The following CEP85L variants were observed in gnomAD, a reference collection of about 807,000 sequenced individuals.
The protein encoded by CEP85L is centrosomal protein 85L, also known as centrosomal protein of 85 kDa-like.
CEP85L carries 60 observed loss-of-function variants against 100.3 expected under a neutral mutation model. That is an observed-to-expected ratio of 0.60 (90% CI 0.49 to 0.74). The LOEUF is 0.74. Ranked by LOEUF, CEP85L falls within the 30% of genes least tolerant of loss-of-function variation. The probability of loss-of-function intolerance (pLI) is 0.00; values close to 1 mark genes in which losing one functional copy is unlikely to be tolerated. For missense variants in CEP85L, 973 were observed against 936.2 expected, an observed-to-expected ratio of 1.04 and a Z score of -0.51; for synonymous variants, 319 against 322.7, an observed-to-expected ratio of 0.99 and a Z score of 0.12.
At chr6:118,574,804 C>A (rs10155773) in intron 2 of CEP85L, among the ~76,000 whole-genome samples, 1 of 152,168 alleles carries the variant, frequency 6.6e-6, no homozygotes, top group Admixed American at 6.5e-5. Flanking sequence ...ATGAGACATA[C>A]AATTAAGTGC....
chr6:118,522,742 G>A (rs1274626210), intron 4 of CEP85L, among the ~76,000 whole-genome samples: 1 of 152,046 alleles, frequency 6.6e-6, no homozygotes, highest in East Asian at 1.9e-4. Flanking sequence ...AGCCAGGTAT[G>A]GTGGTGCACA....
In CEP85L at chr6:118,523,969, A is replaced by G. The variant is rs201664575; in HGVS notation, c.1021-49T>C. The G allele has an allele frequency of 8.4e-4, 575 of 687,836 alleles. 4 individuals are homozygous for G. The highest frequency in any genetic ancestry group is 6.1e-4 in the Non-Finnish European group (268 of 438,782). 42.6% of individuals were successfully genotyped at this position (687,836 alleles called of 1,614,324 possible). A position where few individuals can be genotyped will look rare whatever the true frequency, so the allele number is the denominator to read the frequency against. The stretch of plus-strand genomic sequence containing the variant: ...TAGTATACTAAAATATTTAAAGAAA[A>G]TATTTATATATTATCATATTTTCCC... On this transcript the variant is annotated intron_variant, in intron 3 of 12. Coordinates refer to ENST00000368491, the MANE Select transcript of CEP85L (RefSeq NM_001042475.3).
At chr6:118,498,761 CAATT>C (rs1775090262) in intron 5 of CEP85L, among the ~76,000 whole-genome samples, 1 of 152,160 alleles carries the variant, frequency 6.6e-6, no homozygotes, top group East Asian at 1.9e-4. Flanking sequence ...CCCCATCAAT[CAATT>C]AACTGTAACT....
At chr6:118,704,715 C>T (rs1160481822) in intron 1 of CEP85L, among the ~76,000 whole-genome samples, 1 of 152,154 alleles carries the variant, frequency 6.6e-6, no homozygotes, top group Non-Finnish European at 1.5e-5. Flanking sequence ...AAGTGATCCT[C>T]CTGCCTCGGC....
intron 1 of CEP85L, among the ~76,000 whole-genome samples, chr6:118,662,575 C>T (rs1363641701): frequency 6.6e-6 from 1 of 151,612 alleles, no homozygotes; most frequent in East Asian, 1.9e-4. Flanking sequence ...TTATTATCTC[C>T]ATTTCATAGA....
In CEP85L at chr6:118,651,383, G is replaced by C; in HGVS notation, c.-114C>G. The C allele has an allele frequency of 1.5e-6, 2 of 1,360,638 alleles. No homozygotes were observed. The highest frequency in any genetic ancestry group is 1.7e-5 in the South Asian group (1 of 58,470). The allele number at this position is 1,360,638 out of a possible 1,614,324, so 84.3% of individuals were successfully genotyped here. On this transcript the variant is annotated 5_prime_UTR_variant, in exon 1 of 13. Transcript: ENST00000368491. ...GTGGGCCTCGGCGACACGGGCAGGA[G>C]GAAAGGCGGGATGGCTGGTTAACGG...
Position 118,465,187 on chromosome 6 carries a change from TATC to T in CEP85L, c.*215_*217del. 2.1e-6 allele frequency: 1 copy of T among 471,228 alleles called. No homozygotes were observed. Among genetic ancestry groups the T allele is most frequent in the Non-Finnish European group, 3.7e-6 (1 of 267,078 alleles). 29.2% of individuals were successfully genotyped at this position (471,228 alleles called of 1,614,324 possible). Reference sequence around the variant, plus strand: ...TAGACATTTTTTTCCTTGTAGATTTTATCATATTTTCCAAAGGTAATTTGATTT... The same window carrying T: ...TAGACATTTTTTTCCTTGTAGATTTTATATTTTCCAAAGGTAATTTGATTT... On this transcript the variant is annotated 3_prime_UTR_variant, in exon 13 of 13. Transcript: ENST00000368491.
At chr6:118,468,086 T>C (rs995503975) in intron 12 of CEP85L, among the ~76,000 whole-genome samples, 1 of 152,208 alleles carries the variant, frequency 6.6e-6, no homozygotes, top group Non-Finnish European at 1.5e-5. Flanking sequence ...TTAAACATTA[T>C]GTGTTTTTTC....
intron 2 of CEP85L, among the ~76,000 whole-genome samples, chr6:118,607,848 T>G (rs536738425): frequency 5.9e-5 from 9 of 152,228 alleles, no homozygotes; most frequent in African/African-American, 2.2e-4. Flanking sequence ...ACCCCACCAC[T>G]TACCCAAAGT....
chr6:118,565,387 T>C, intron 3 of CEP85L, 142 bp downstream of exon 3: 1 of 795,984 alleles, frequency 1.3e-6, no homozygotes, highest in Non-Finnish European at 2.0e-6. Flanking sequence ...ACTTTTCGGT[T>C]TGTAACATTT....
chr6:118,641,223 C>A (rs1189850218), intron 1 of CEP85L, among the ~76,000 whole-genome samples: 4 of 152,174 alleles, frequency 2.6e-5, no homozygotes, highest in Non-Finnish European at 5.9e-5. Flanking sequence ...AGCATGTTTA[C>A]AACTACTTAT....
At chr6:118,684,623 G>A (rs565342030) in intron 1 of CEP85L, among the ~76,000 whole-genome samples, 1 of 152,276 alleles carries the variant, frequency 6.6e-6, no homozygotes, top group African/African-American at 2.4e-5. Flanking sequence ...GCTCAGCGTT[G>A]CTTCTTTTTT....
At chr6:118,595,379 A>T (rs1781411463) in intron 2 of CEP85L, among the ~76,000 whole-genome samples, 1 of 152,216 alleles carries the variant, frequency 6.6e-6, no homozygotes. Context: ...TCAATTTAGC[A>T]TTATTTGAAA....
intron 2 of CEP85L, among the ~76,000 whole-genome samples, chr6:118,583,010 T>C (rs1379139452): frequency 6.6e-6 from 1 of 152,172 alleles, no homozygotes; most frequent in African/African-American, 2.4e-5. Context: ...CTGAGGTGCA[T>C]CTGCTAGCTG....
rs75283875 is a variant in CEP85L, at chr6:118,502,910, C to T, written c.1257+8388G>A. On this transcript the variant is annotated intron_variant, in intron 5 of 12. Transcript: ENST00000368491. ...AGATCTTGAAGAACCTAAAAAGACA[C>T]GGAGTGGACCTAGTGGGAGTTGAGG... is the stretch of plus-strand genomic sequence containing the variant. The T allele has an allele frequency of 1.6e-3, 761 of 479,046 alleles. 5 individuals carry two copies. The highest frequency in any genetic ancestry group is 0.013 in the African/African-American group (679 of 50,904). 29.7% of individuals were successfully genotyped at this position (479,046 alleles called of 1,614,324 possible). A position where few individuals can be genotyped will look rare whatever the true frequency, so the allele number is the denominator to read the frequency against.
chr6:118,480,343 C>T, intron 9 of CEP85L, 53 bp downstream of exon 9: 1 of 918,238 alleles, frequency 1.1e-6, no homozygotes, highest in South Asian at 1.5e-5. Context: ...TATCTATACA[C>T]ACATATCCAC....
chr6:118,556,861 C>G (rs941716566), intron 3 of CEP85L, among the ~76,000 whole-genome samples: 8 of 152,128 alleles, frequency 5.3e-5, no homozygotes, highest in African/African-American at 1.9e-4. Context: ...TATCTCTGGA[C>G]AGTTAATACA....
intron 1 of CEP85L, among the ~76,000 whole-genome samples, chr6:118,692,781 A>G (rs1349576435): frequency 1.5e-5 from 1 of 67,888 alleles, no homozygotes; most frequent in Admixed American, 1.1e-4. Flanking sequence ...ACATTGATAG[A>G]AGTATAGATA....
chr6:118,463,773 A>C lies in CEP85L; in HGVS notation c.*1632T>G, dbSNP rs762177635. ...TCTGATTTCTTTACAGTGTATTATAACTGATTATTCAACTATAACTATAAA... is the reference window on the plus strand; with the variant it reads ...TCTGATTTCTTTACAGTGTATTATACCTGATTATTCAACTATAACTATAAA... On this transcript the variant is annotated 3_prime_UTR_variant, in exon 13 of 13. Coordinates refer to ENST00000368491, the MANE Select transcript of CEP85L (RefSeq NM_001042475.3). The C allele has an allele frequency of 1.9e-4, 29 of 152,038 alleles. No individual in the cohort carries two copies. The highest frequency in any genetic ancestry group is 3.2e-4 in the Non-Finnish European group (22 of 67,962). 9.4% of individuals were successfully genotyped at this position (152,038 alleles called of 1,614,324 possible).
Sources: gnomAD v4.1 joint callset for allele counts (sites outside exome capture counted in the v4.1 genomes callset) on GRCh38, gnomAD v4.1.1 for gene constraint, MANE v1.5 for transcripts, NCBI Gene and HGNC (gene_info 2026-07-23, HGNC 2026-07-21) for gene names.